The following C9orf153 variants were observed in gnomAD, a reference collection of about 807,000 sequenced individuals.
The protein encoded by C9orf153 is chromosome 9 open reading frame 153.
Under a neutral mutation model 9.0 loss-of-function variants are expected in C9orf153, and 10 were observed. That is an observed-to-expected ratio of 1.11 (90% confidence interval 0.69 to 1.89). C9orf153 has a LOEUF of 1.89. Ranked by LOEUF, C9orf153 falls within the 40% of genes most tolerant of loss-of-function variation. The pLI, the probability that C9orf153 is intolerant of heterozygous loss-of-function variation, is 0.00. For synonymous variants in C9orf153, 35 were observed against 37.3 expected, an observed-to-expected ratio of 0.94 and a Z score of 0.23; for missense variants, 108 against 111.0, an observed-to-expected ratio of 0.97 and a Z score of 0.12.
At chr9:86,240,709 T>TTTC (rs1554685451) in intron 1 of C9orf153, among the ~76,000 whole-genome samples, 6 of 29,698 alleles carry the variant, frequency 2.0e-4, no homozygotes, top group African/African-American at 1.7e-3. Context: ...TTCTTTTTCT[T>TTTC]TTTTTTTTTT....
intron 1 of C9orf153, among the ~76,000 whole-genome samples, chr9:86,254,096 A>G (rs1024892291): frequency 6.6e-6 from 1 of 151,768 alleles, no homozygotes; most frequent in African/African-American, 2.4e-5. Context: ...ATTTCAAAAA[A>G]AAAAAAAAAA....
intron 3 of C9orf153, among the ~76,000 whole-genome samples, chr9:86,222,923 C>T (rs188933716): frequency 6.6e-6 from 1 of 152,254 alleles, no homozygotes; most frequent in East Asian, 1.9e-4. Flanking sequence ...GTCCTCCATC[C>T]CTGTACTGGG....
At chr9:86,257,149 T>C (rs1227422901) in intron 1 of C9orf153, among the ~76,000 whole-genome samples, 2 of 152,234 alleles carry the variant, frequency 1.3e-5, no homozygotes, top group South Asian at 2.1e-4. Context: ...CTTGAATCAA[T>C]GTCCCCAGGG....
chr9:86,230,243 T>G (rs2131179150), intron 1 of C9orf153, among the ~76,000 whole-genome samples: 1 of 152,398 alleles, frequency 6.6e-6, no homozygotes, highest in Non-Finnish European at 1.5e-5. Flanking sequence ...CTACAACATG[T>G]GTATTTAGTT....
In C9orf153 at chr9:86,221,341, G is replaced by A. The variant is rs1371227389; in HGVS notation, c.*347C>T. Reference sequence around the variant, plus strand: ...GTTAGCAGATTAAATCGGACCTTTTGCTCTGTATTAACGGCTTAATTTTAC... The same window carrying A: ...GTTAGCAGATTAAATCGGACCTTTTACTCTGTATTAACGGCTTAATTTTAC... On this transcript the variant is annotated 3_prime_UTR_variant, in exon 4 of 4. Transcript: ENST00000339137. 2 of 210,440 alleles carry A rather than the reference G, an allele frequency of 9.5e-6. No individual in the cohort carries two copies. Among genetic ancestry groups the A allele is most frequent in the African/African-American group, 2.3e-5 (1 of 43,418 alleles). 13.0% of individuals were successfully genotyped at this position (210,440 alleles called of 1,614,324 possible).
In C9orf153 at chr9:86,259,552, C is replaced by T. The variant is rs1280707105; in HGVS notation, c.-29G>A. On this transcript the variant is annotated splice_region_variant and 5_prime_UTR_variant, in exon 1 of 4. The change creates a new upstream start codon in the 5' untranslated region. Transcript: ENST00000339137. The stretch of plus-strand genomic sequence containing the variant: ...GCTATGGCTGTAGATGCACTTACCA[C>T]TTGTTTTACAGTTGTCTCTTCACGT... 1.3e-5 allele frequency: 2 copies of T among 152,134 alleles called. No homozygotes were observed. Among genetic ancestry groups the T allele is most frequent in the Non-Finnish European group, 2.9e-5 (2 of 68,068 alleles). 9.4% of individuals were successfully genotyped at this position (152,134 alleles called of 1,614,324 possible). A position where few individuals can be genotyped will look rare whatever the true frequency, so the allele number is the denominator to read the frequency against.
chr9:86,228,112 C>T, intron 2 of C9orf153, 82 bp from the exon 3 acceptor site: 2 of 997,732 alleles, frequency 2.0e-6, no homozygotes, highest in Admixed American at 2.9e-5. Context: ...CTAGAAAAAA[C>T]CATAGGACAA....
At chr9:86,233,669 G>A (rs1379666964) in intron 1 of C9orf153, among the ~76,000 whole-genome samples, 1 of 150,918 alleles carries the variant, frequency 6.6e-6, no homozygotes, top group East Asian at 1.9e-4. Flanking sequence ...CACCTGCCCT[G>A]GCCTCCTAAA....
intron 1 of C9orf153, among the ~76,000 whole-genome samples, chr9:86,255,179 T>C (rs1825093024): frequency 1.5e-5 from 2 of 137,038 alleles, no homozygotes; most frequent in African/African-American, 5.5e-5. Flanking sequence ...TTTGCCTATC[T>C]CTATCTAACA....
chr9:86,251,151 A>T (rs1824985238), intron 1 of C9orf153, among the ~76,000 whole-genome samples: 1 of 152,214 alleles, frequency 6.6e-6, no homozygotes, highest in African/African-American at 2.4e-5. Flanking sequence ...AGTTTTGCTA[A>T]GCTAAATTAA....
chr9:86,232,893 C>A lies in C9orf153; in HGVS notation c.-26-3264G>T, dbSNP rs191817299. On this transcript the variant is annotated intron_variant, in intron 1 of 3. Transcript: ENST00000339137. ...GACTACAGGCAAGCGCCACCACACC[C>A]GGCTAATTTTTTTATTTTTAGTAGA... Among the ~76,000 whole-genome samples, 15 of 152,042 alleles carry A rather than the reference C, an allele frequency of 9.9e-5. 1 individual carries two copies. Among genetic ancestry groups the A allele is most frequent in the Admixed American group, 9.2e-4 (14 of 15,266 alleles).
At chr9:86,258,721 T>A (rs1825180495) in intron 1 of C9orf153, 1 of 152,204 alleles carries the variant, frequency 6.6e-6, no homozygotes, top group Non-Finnish European at 1.5e-5. Context: ...TATTGCTAAT[T>A]TAACGAAACT....
intron 1 of C9orf153, among the ~76,000 whole-genome samples, chr9:86,237,902 A>T (rs1824635027): frequency 6.6e-6 from 1 of 152,096 alleles, no homozygotes. Flanking sequence ...AACATGGCGA[A>T]ACCCTGTCTC....
chr9:86,237,466 T>A (rs915099926), intron 1 of C9orf153, among the ~76,000 whole-genome samples: 8 of 152,242 alleles, frequency 5.3e-5, no homozygotes, highest in African/African-American at 1.4e-4. Context: ...TTTACTTTTT[T>A]AAATGAGATG....
At chr9:86,245,397 T>G (rs1245707815) in intron 1 of C9orf153, among the ~76,000 whole-genome samples, 2 of 152,166 alleles carry the variant, frequency 1.3e-5, no homozygotes, top group Non-Finnish European at 2.9e-5. Context: ...TTATACCCAC[T>G]GAAAAACTCC....
At position 86,221,741 on chromosome 9, in the gene C9orf153, G is replaced by T. The variant is rs749346437; in HGVS notation, c.243-8C>A. 6 of 1,510,390 alleles carry T rather than the reference G, an allele frequency of 4.0e-6. No individual in the cohort carries two copies. The South Asian group carries it at 7.2e-5, about 18-fold the overall frequency. The allele number at this position is 1,510,390 out of a possible 1,614,324, so 93.6% of individuals were successfully genotyped here. A position where few individuals can be genotyped will look rare whatever the true frequency, so the allele number is the denominator to read the frequency against. On this transcript the variant is annotated splice_polypyrimidine_tract_variant and splice_region_variant and intron_variant, in intron 3 of 3. Coordinates refer to ENST00000339137, the MANE Select transcript of C9orf153 (RefSeq NM_001276366.4). The stretch of plus-strand genomic sequence containing the variant: ...GATTCATGAATTGTTTTCCTGAAAA[G>T]AATCATATTTTCAAAGAATCACATG...
At chr9:86,248,870 C>T (rs1824928521) in intron 1 of C9orf153, among the ~76,000 whole-genome samples, 1 of 152,154 alleles carries the variant, frequency 6.6e-6, no homozygotes, top group Admixed American at 6.5e-5. Context: ...AGTGGCTCCT[C>T]GTGTTGCCTG....
intron 1 of C9orf153, among the ~76,000 whole-genome samples, chr9:86,255,569 G>A (rs777788995): frequency 6.6e-6 from 1 of 152,088 alleles, no homozygotes; most frequent in Non-Finnish European, 1.5e-5. Context: ...TGCTAGCCAG[G>A]CCTCCTCTTC....
chr9:86,222,047 G>T (rs530913157), intron 3 of C9orf153, among the ~76,000 whole-genome samples: 1 of 151,870 alleles, frequency 6.6e-6, no homozygotes, highest in Admixed American at 6.6e-5. Context: ...CACCACACCC[G>T]GTTACTTTTT....
Sources: gnomAD v4.1 joint callset for allele counts (sites outside exome capture counted in the v4.1 genomes callset) on GRCh38, gnomAD v4.1.1 for gene constraint, MANE v1.5 for transcripts, NCBI Gene and HGNC (gene_info 2026-07-23, HGNC 2026-07-21) for gene names.